UGT1A4: variants seen among roughly 807,000 people sequenced by gnomAD.
UGT1A4 encodes the protein UDP-glucuronosyltransferase 1A4.
Under a neutral mutation model 41.1 loss-of-function variants are expected in UGT1A4, and 32 were observed. The ratio of observed to expected loss-of-function variants is 0.78; its 90% CI spans 0.59 to 1.05. UGT1A4 has a LOEUF of 1.05. Ranked by LOEUF, UGT1A4 falls within the 50% of genes least tolerant of loss-of-function variation. UGT1A4 has a pLI of 0.00. For missense variants in UGT1A4, 748 were observed against 677.4 expected (o/e 1.10, Z -1.16); for synonymous variants, 283 against 265.1 (o/e 1.07, Z -0.66).
intron 1 of UGT1A4, among the ~76,000 whole-genome samples, chr2:233,725,204 A>C (rs1419475317): frequency 1.4e-4 from 12 of 85,222 alleles, no homozygotes; most frequent in African/African-American, 6.2e-4. Flanking sequence ...AGGCAGAGGC[A>C]GAGGCAGAGG....
rs587784540 is a variant in UGT1A4 at position 233,760,766 on chromosome 2, T to A, written c.868-6268T>A. 1.9e-6 allele frequency: 3 copies of A among 1,614,116 alleles called. No individual in the cohort carries two copies. The South Asian group carries it at 3.3e-5, about 18-fold the overall frequency. On this transcript the variant is annotated intron_variant, in intron 1 of 4. Coordinates refer to ENST00000373409, the MANE Select transcript of UGT1A4 (RefSeq NM_007120.3). ...CCTTTCCTTCCTTGCAGCCCCATCG[T>A]GGCCCAGTACCTGTCTCTGCCCACT...
At chr2:233,749,352 A>G (rs1249792542) in intron 1 of UGT1A4, among the ~76,000 whole-genome samples, 1 of 151,892 alleles carries the variant, frequency 6.6e-6, no homozygotes, top group Non-Finnish European at 1.5e-5. Context: ...TGGAATTTAA[A>G]TAGTGACTCT....
intron 1 of UGT1A4, among the ~76,000 whole-genome samples, chr2:233,751,914 C>A (rs1246513527): frequency 6.6e-6 from 1 of 152,060 alleles, no homozygotes; most frequent in Non-Finnish European, 1.5e-5. Context: ...CAGACTAATA[C>A]AAGATTGGTG....
At chr2:233,724,307 C>A (rs2077214825) in intron 1 of UGT1A4, among the ~76,000 whole-genome samples, 1 of 146,936 alleles carries the variant, frequency 6.8e-6, no homozygotes, top group Non-Finnish European at 1.5e-5. Flanking sequence ...CCACCTCCCT[C>A]CCGGACGGGG....
intron 1 of UGT1A4, chr2:233,729,623 C>A (rs142986334): frequency 6.2e-7 from 1 of 1,613,912 alleles, no homozygotes; most frequent in Non-Finnish European, 8.5e-7. Context: ...AAGTACCTGT[C>A]GATTCCTACT....
At chr2:233,756,295 GTA>G (rs1308500141) in intron 1 of UGT1A4, 2 of 152,134 alleles carry the variant, frequency 1.3e-5, no homozygotes, top group Non-Finnish European at 2.9e-5. Context: ...CACAGTATTT[GTA>G]TATAACCTAC....
chr2:233,757,535 A>AATAAATATACATATACATATAT (rs1553619837), intron 1 of UGT1A4, among the ~76,000 whole-genome samples: 4 of 88,306 alleles, frequency 4.5e-5, no homozygotes, highest in African/African-American at 2.0e-4. Flanking sequence ...GCCTGTAAGG[A>AATAAATATACATATACATATAT]ATATATATAT....
At chr2:233,762,959 A>G (rs910713716) in intron 1 of UGT1A4, among the ~76,000 whole-genome samples, 4 of 152,252 alleles carry the variant, frequency 2.6e-5, no homozygotes, top group African/African-American at 9.6e-5. Flanking sequence ...GCAATAGGAA[A>G]GATGCCCGTC....
intron 1 of UGT1A4, among the ~76,000 whole-genome samples, chr2:233,751,222 C>A (rs1694670649): frequency 6.6e-6 from 1 of 151,992 alleles, no homozygotes; most frequent in African/African-American, 2.4e-5. Context: ...GATTTAATGA[C>A]TGCCCTGCCT....
intron 1 of UGT1A4, among the ~76,000 whole-genome samples, chr2:233,725,192 A>C (rs1239126007): frequency 1.2e-5 from 1 of 85,448 alleles, no homozygotes; most frequent in African/African-American, 8.6e-5. Flanking sequence ...AGGCAGAGGC[A>C]GAGGCAGAGG....
chr2:233,753,820 G>C (rs1695319484), intron 1 of UGT1A4, among the ~76,000 whole-genome samples: 1 of 152,168 alleles, frequency 6.6e-6, no homozygotes, highest in African/African-American at 2.4e-5. Context: ...AACCACGTTA[G>C]GGCTGAAGAC....
rs1433433254 is a variant in UGT1A4 at position 233,729,616 on chromosome 2, T to A, written c.867+9929T>A. On this transcript the variant is annotated intron_variant, in intron 1 of 4. Coordinates refer to ENST00000373409, the MANE Select transcript of UGT1A4 (RefSeq NM_007120.3). ...CCTCTGCGCGGCAGTGCTGGCTAAG[T>A]ACCTGTCGATTCCTACTGTGTTTTT... 3 of 1,614,044 alleles carry A rather than the reference T, an allele frequency of 1.9e-6. No homozygotes were observed. The Admixed American group carries it at 5.0e-5, about 27-fold the overall frequency.
intron 1 of UGT1A4, among the ~76,000 whole-genome samples, chr2:233,726,632 C>T (rs2077548155): frequency 6.6e-6 from 1 of 152,176 alleles, no homozygotes; most frequent in Admixed American, 6.5e-5. Flanking sequence ...CCAGGACAAT[C>T]TCCCCATCTT....
At chr2:233,729,873 C>T (rs758100575) in intron 1 of UGT1A4, 1 of 1,613,864 alleles carries the variant, frequency 6.2e-7, no homozygotes, top group Non-Finnish European at 8.5e-7. Context: ...TGGATATTCT[C>T]AGTCATGCAT....
At chr2:233,754,961 G>A (rs760905245) in intron 1 of UGT1A4, 13 of 1,310,256 alleles carry the variant, frequency 9.9e-6, no homozygotes, top group Admixed American at 9.5e-5. Flanking sequence ...GGCCGCCAAA[G>A]AACTCCCTGA....
chr2:233,738,058 G>A (rs1690676256), intron 1 of UGT1A4, among the ~76,000 whole-genome samples: 1 of 152,076 alleles, frequency 6.6e-6, no homozygotes, highest in Non-Finnish European at 1.5e-5. Flanking sequence ...AGGACATGGT[G>A]GGAGGTCCCC....
chr2:233,763,791 A>T (rs995019532), intron 1 of UGT1A4, among the ~76,000 whole-genome samples: 41 of 152,200 alleles, frequency 2.7e-4, no homozygotes, highest in African/African-American at 9.9e-4. Flanking sequence ...TTGGGAGAAA[A>T]GGAATGAAAC....
intron 1 of UGT1A4, among the ~76,000 whole-genome samples, chr2:233,736,165 G>A (rs533285485): frequency 1.2e-4 from 19 of 152,088 alleles, no homozygotes; most frequent in Non-Finnish European, 2.6e-4. Context: ...CGTAGATTTG[G>A]TCTTTCCACA....
At chr2:233,759,130 A>T (rs1697062304) in intron 1 of UGT1A4, among the ~76,000 whole-genome samples, 1 of 152,244 alleles carries the variant, frequency 6.6e-6, no homozygotes, top group Non-Finnish European at 1.5e-5. Flanking sequence ...AGCCTCTGGT[A>T]CGCAATGAAG....
Sources: gnomAD v4.1 joint callset for allele counts (sites outside exome capture counted in the v4.1 genomes callset) on GRCh38, gnomAD v4.1.1 for gene constraint, MANE v1.5 for transcripts, NCBI Gene and HGNC (gene_info 2026-07-23, HGNC 2026-07-21) for gene names.